Variants in EFNA5 observed in about 807,000 individuals in gnomAD.
EFNA5 encodes ephrin A5, also known as ephrin-A5.
A neutral mutation model predicts 22.9 loss-of-function variants in EFNA5; 5 were observed. The ratio of observed to expected loss-of-function variants is 0.22; its 90% CI spans 0.11 to 0.46. The LOEUF is 0.46. Among genes scored for constraint, EFNA5 ranks in the 20% least tolerant of loss-of-function variants. EFNA5 has a pLI of 0.99. For synonymous variants in EFNA5, 113 were observed against 112.2 expected (o/e 1.01, Z -0.04); for missense variants, 237 against 293.3 (o/e 0.81, Z 1.40).
chr5:107,552,172 A>G (rs1406493565), intron 1 of EFNA5, among the ~76,000 whole-genome samples: 1 of 152,200 alleles, frequency 6.6e-6, no homozygotes, highest in Non-Finnish European at 1.5e-5. Flanking sequence ...CAGGGCTCTC[A>G]TTACCTCTGG....
intron 1 of EFNA5, among the ~76,000 whole-genome samples, chr5:107,501,688 A>G (rs1478613756): frequency 6.6e-6 from 1 of 152,234 alleles, no homozygotes; most frequent in Non-Finnish European, 1.5e-5. Flanking sequence ...GTTAAGATAC[A>G]TACTATCGGC....
At chr5:107,457,889 C>T (rs146085423) in intron 1 of EFNA5, among the ~76,000 whole-genome samples, 234 of 152,252 alleles carry the variant, frequency 1.5e-3, no homozygotes, top group Non-Finnish European at 2.0e-3. Flanking sequence ...TATGTTAATT[C>T]GTTTGCTCCT....
At chr5:107,524,276 C>A (rs1747652808) in intron 1 of EFNA5, among the ~76,000 whole-genome samples, 1 of 152,124 alleles carries the variant, frequency 6.6e-6, no homozygotes, top group South Asian at 2.1e-4. Context: ...TAACATAAAG[C>A]CATTGTGGGC....
At chr5:107,495,111 C>A (rs1419300539) in intron 1 of EFNA5, among the ~76,000 whole-genome samples, 2 of 152,184 alleles carry the variant, frequency 1.3e-5, no homozygotes, top group East Asian at 1.9e-4. Flanking sequence ...TGGCAACCCG[C>A]TCAGGTCCCC....
rs182675944 is a variant in EFNA5 at position 107,563,807 on chromosome 5, G to A, written c.125+106682C>T. Among the ~76,000 whole-genome samples the A allele has an allele frequency of 5.7e-3, 870 of 152,192 alleles. 6 individuals carry two copies. The highest frequency in any genetic ancestry group is 8.9e-3 in the Non-Finnish European group (604 of 68,012). On this transcript the variant is annotated intron_variant, in intron 1 of 4. Coordinates refer to ENST00000333274, the MANE Select transcript of EFNA5 (RefSeq NM_001962.3). ...TTACATCCCTCTTGCTTGCACTGTG[G>A]CAGCAGACTCCTAACTGGGCTTTCG... is the stretch of plus-strand genomic sequence containing the variant.
At chr5:107,654,125 A>C (rs1750782496) in intron 1 of EFNA5, among the ~76,000 whole-genome samples, 1 of 152,098 alleles carries the variant, frequency 6.6e-6, no homozygotes, top group East Asian at 1.9e-4. Flanking sequence ...GTGACTAGGA[A>C]AAAAAAGTCA....
At chr5:107,505,480 T>C (rs773525625) in intron 1 of EFNA5, among the ~76,000 whole-genome samples, 21 of 152,286 alleles carry the variant, frequency 1.4e-4, no homozygotes, top group Non-Finnish European at 2.6e-4. Flanking sequence ...CAAGGAGATT[T>C]AGGTCATTGA....
intron 1 of EFNA5, among the ~76,000 whole-genome samples, chr5:107,582,895 A>G: frequency 6.6e-6 from 1 of 152,208 alleles, no homozygotes; most frequent in East Asian, 1.9e-4. Context: ...CTTTTCACAG[A>G]AACAGCTGTA....
At chr5:107,649,433 T>C (rs1469098621) in intron 1 of EFNA5, among the ~76,000 whole-genome samples, 1 of 152,192 alleles carries the variant, frequency 6.6e-6, no homozygotes, top group Non-Finnish European at 1.5e-5. Context: ...AGACAACTCA[T>C]AGGCTAATCG....
chr5:107,427,019 G>C, intron 2 of EFNA5, 198 bp downstream of exon 2: 1 of 603,646 alleles, frequency 1.7e-6, no homozygotes, highest in East Asian at 2.8e-5. Context: ...AATTTCATAG[G>C]GGGAGACGCG....
At chr5:107,438,847 G>C (rs1749181982) in intron 1 of EFNA5, among the ~76,000 whole-genome samples, 2 of 152,134 alleles carry the variant, frequency 1.3e-5, no homozygotes, top group Admixed American at 6.5e-5. Context: ...AAGGCAAACA[G>C]GTATTTTATA....
At chr5:107,627,355 A>T (rs1009222616) in intron 1 of EFNA5, among the ~76,000 whole-genome samples, 1 of 152,196 alleles carries the variant, frequency 6.6e-6, no homozygotes. Flanking sequence ...CTATATCAGA[A>T]CTATCTTCTT....
chr5:107,631,720 T>C (rs544074633), intron 1 of EFNA5, among the ~76,000 whole-genome samples: 2 of 152,270 alleles, frequency 1.3e-5, no homozygotes, highest in East Asian at 3.9e-4. Context: ...AAAAAAGCAT[T>C]GACATAAAGT....
At chr5:107,395,429 T>TG (rs1324460521) in intron 2 of EFNA5, among the ~76,000 whole-genome samples, 9 of 152,086 alleles carry the variant, frequency 5.9e-5, no homozygotes, top group African/African-American at 2.2e-4. Flanking sequence ...GTCATGTGAG[T>TG]GGGGAAATCT....
At chr5:107,557,893 CAA>C (rs1352539152) in intron 1 of EFNA5, among the ~76,000 whole-genome samples, 1 of 152,040 alleles carries the variant, frequency 6.6e-6, no homozygotes, top group Non-Finnish European at 1.5e-5. Context: ...CATTTACAAT[CAA>C]AGAGACCTGG....
chr5:107,652,861 G>A (rs1170515758), intron 1 of EFNA5, among the ~76,000 whole-genome samples: 2 of 151,686 alleles, frequency 1.3e-5, no homozygotes, highest in African/African-American at 2.4e-5. Context: ...AAGGGAATCT[G>A]TTCCATATTT....
chr5:107,649,051 C>T (rs190809731), intron 1 of EFNA5, among the ~76,000 whole-genome samples: 2 of 152,222 alleles, frequency 1.3e-5, no homozygotes, highest in Admixed American at 1.3e-4. Context: ...TGAGGAAACA[C>T]GACTTGACCA....
At chr5:107,637,728 AT>A in intron 1 of EFNA5, among the ~76,000 whole-genome samples, 1 of 148,678 alleles carries the variant, frequency 6.7e-6, no homozygotes, top group East Asian at 1.9e-4. Flanking sequence ...TATATAATAT[AT>A]AATTTATGAT....
intron 1 of EFNA5, among the ~76,000 whole-genome samples, chr5:107,532,445 G>C (rs517329): frequency 0.046 from 7,004 of 152,282 alleles, 552 homozygotes; most frequent in African/African-American, 0.16. Context: ...TTCCAGCAGG[G>C]AGTCTGGCTG....
Sources: allele counts gnomAD v4.1 joint callset (sites outside exome capture counted in the v4.1 genomes callset), GRCh38; gene constraint gnomAD v4.1.1; transcripts MANE v1.5; gene names NCBI Gene and HGNC (gene_info 2026-07-23, HGNC 2026-07-21).